Variants in EPB41L3 observed in about 807,000 individuals in gnomAD.
The protein encoded by EPB41L3 is band 4.1-like protein 3.
A neutral mutation model predicts 127.1 loss-of-function variants in EPB41L3; 57 were observed. That is an observed-to-expected ratio of 0.45 (90% CI 0.36 to 0.56). The LOEUF is 0.56. EPB41L3 is among the 20% of genes least tolerant of loss of function. The pLI is 0.00. For synonymous variants in EPB41L3, 572 were observed against 549.5 expected (o/e 1.04, Z -0.57); for missense variants, 1,273 against 1,372.2 (o/e 0.93, Z 1.14).
At chr18:5,569,954 CT>C (rs1256271915) in intron 3 of EPB41L3, among the ~76,000 whole-genome samples, 2 of 152,118 alleles carry the variant, frequency 1.3e-5, no homozygotes, top group African/African-American at 2.4e-5. Flanking sequence ...AAAATGCACA[CT>C]TCTGAGTTTT....
At chr18:5,398,923 C>T (rs1598437084) in intron 16 of EPB41L3, 4 of 399,090 alleles carry the variant, frequency 1.0e-5, no homozygotes, top group Admixed American at 4.4e-5. Context: ...TTGATGGGGG[C>T]CAGGGATTCG....
chr18:5,478,657 G>A (rs1258058073), intron 2 of EPB41L3, among the ~76,000 whole-genome samples: 2 of 152,044 alleles, frequency 1.3e-5, no homozygotes, highest in Admixed American at 1.3e-4. Flanking sequence ...TTAACTCCAG[G>A]ACTTACTTTA....
At chr18:5,534,154 C>T (rs2093499987) in intron 1 of EPB41L3, among the ~76,000 whole-genome samples, 1 of 152,142 alleles carries the variant, frequency 6.6e-6, no homozygotes, top group Admixed American at 6.5e-5. Context: ...CAGAGCGAGA[C>T]TCCGTCTCAA....
chr18:5,623,038 C>T (rs1599383653), intron 1 of EPB41L3, among the ~76,000 whole-genome samples: 1 of 139,856 alleles, frequency 7.2e-6, no homozygotes, highest in Non-Finnish European at 1.5e-5. Flanking sequence ...ACTACAGTCA[C>T]GTAGCTGACG....
chr18:5,429,247 T>A (rs1022019852), intron 8 of EPB41L3: 1 of 152,152 alleles, frequency 6.6e-6, no homozygotes. Context: ...AAACCTGAGA[T>A]CATCCTAGAA....
At chr18:5,491,537 C>A (rs534543532) in intron 1 of EPB41L3, among the ~76,000 whole-genome samples, 1 of 152,308 alleles carries the variant, frequency 6.6e-6, no homozygotes, top group African/African-American at 2.4e-5. Context: ...TAGAGCCCAA[C>A]AACCACCTAC....
chr18:5,403,903 T>C (rs2074939603), intron 16 of EPB41L3, among the ~76,000 whole-genome samples: 1 of 152,190 alleles, frequency 6.6e-6, no homozygotes, highest in Non-Finnish European at 1.5e-5. Context: ...GTTTTCTATG[T>C]GCATAACATA....
chr18:5,585,707 T>C (rs996282715), intron 3 of EPB41L3, among the ~76,000 whole-genome samples: 1 of 152,202 alleles, frequency 6.6e-6, no homozygotes, highest in African/African-American at 2.4e-5. Context: ...CACTGTGCTA[T>C]GGAGTTAGGG....
At chr18:5,427,545 G>C (rs935490869) in intron 9 of EPB41L3, among the ~76,000 whole-genome samples, 7 of 152,110 alleles carry the variant, frequency 4.6e-5, no homozygotes, top group African/African-American at 1.7e-4. Flanking sequence ...TTGAGCTATA[G>C]AACATTGATA....
intron 14 of EPB41L3, among the ~76,000 whole-genome samples, chr18:5,409,712 C>CAA (rs10653732): frequency 0.73 from 107,639 of 148,034 alleles, 43,966 homozygotes; most frequent in Non-Finnish European, 0.9. Flanking sequence ...TAGGATGATG[C>CAA]AAAAAAAAAC....
chr18:5,541,004 G>A (rs1235461973), intron 1 of EPB41L3, among the ~76,000 whole-genome samples: 1 of 148,600 alleles, frequency 6.7e-6, no homozygotes, highest in Non-Finnish European at 1.5e-5. Context: ...AGAATGGCGT[G>A]AACCCGGGAG....
At chr18:5,530,638 C>T (rs1039160851) in intron 1 of EPB41L3, among the ~76,000 whole-genome samples, 1 of 152,110 alleles carries the variant, frequency 6.6e-6, no homozygotes, top group Non-Finnish European at 1.5e-5. Flanking sequence ...TGGTCAGTCA[C>T]CTCCGACACC....
intron 8 of EPB41L3, among the ~76,000 whole-genome samples, chr18:5,432,438 T>C (rs2079126373): frequency 6.6e-6 from 1 of 152,318 alleles, no homozygotes; most frequent in African/African-American, 2.4e-5. Flanking sequence ...AGGAACAATG[T>C]CATCCTGTTG....
intron 3 of EPB41L3, among the ~76,000 whole-genome samples, chr18:5,468,976 G>C (rs940253266): frequency 6.6e-6 from 1 of 152,022 alleles, no homozygotes; most frequent in South Asian, 2.1e-4. Context: ...AACAAAAAGA[G>C]GAAAAAGAGC....
intron 3 of EPB41L3, among the ~76,000 whole-genome samples, chr18:5,451,062 G>T (rs2082220592): frequency 6.6e-6 from 1 of 152,152 alleles, no homozygotes; most frequent in Non-Finnish European, 1.5e-5. Flanking sequence ...CTGCAAAATG[G>T]TGATATTCTA....
chr18:5,498,594 C>A (rs1301853616), intron 1 of EPB41L3, among the ~76,000 whole-genome samples: 77 of 70,476 alleles, frequency 1.1e-3, no homozygotes, highest in Admixed American at 2.2e-3. Flanking sequence ...GACTCCATCT[C>A]AAAAAAAAAA....
In EPB41L3 at chr18:5,401,000, T is replaced by G. The variant is rs962907459; in HGVS notation, c.2350-2857A>C. 7.2e-6 allele frequency: 11 copies of G among 1,534,300 alleles called. No individual in the cohort carries two copies. The Admixed American group carries it at 1.6e-4, about 22-fold the overall frequency. On this transcript the variant is annotated intron_variant, in intron 16 of 22. Transcript: ENST00000341928. ...CTCAAGGAATGGAGCGCTTCCTTGC[T>G]GCAAAAATATAACTTTTTCAGAAAT...
intron 3 of EPB41L3, among the ~76,000 whole-genome samples, chr18:5,462,272 C>T (rs2084139900): frequency 6.6e-6 from 1 of 152,168 alleles, no homozygotes; most frequent in African/African-American, 2.4e-5. Flanking sequence ...GTTCTTACCA[C>T]TTTGTACAGC....
chr18:5,431,580 A>G (rs1177888773), intron 8 of EPB41L3, among the ~76,000 whole-genome samples: 1 of 152,218 alleles, frequency 6.6e-6, no homozygotes, highest in African/African-American at 2.4e-5. Flanking sequence ...TTTTATATTT[A>G]CTGATAGAAA....
Sources: gnomAD v4.1 joint callset for allele counts (sites outside exome capture counted in the v4.1 genomes callset) on GRCh38, gnomAD v4.1.1 for gene constraint, MANE v1.5 for transcripts, NCBI Gene and HGNC (gene_info 2026-07-23, HGNC 2026-07-21) for gene names.